The following STAG1 variants were observed in gnomAD, a reference collection of about 807,000 sequenced individuals.
STAG1 encodes cohesin subunit SA-1.
A neutral mutation model predicts 170.9 loss-of-function variants in STAG1; 26 were observed. The observed-to-expected ratio is 0.15, with a 90% CI of 0.11 to 0.21. STAG1 has a LOEUF of 0.21. Ranked by LOEUF, STAG1 falls within the 10% of genes least tolerant of loss-of-function variation. The probability of loss-of-function intolerance (pLI) is 1.00; values close to 1 mark genes in which losing one functional copy is unlikely to be tolerated. For synonymous variants in STAG1, 514 were observed against 497.7 expected (o/e 1.03, Z -0.44); for missense variants, 964 against 1,509.5 (o/e 0.64, Z 5.99).
At chr3:136,537,400 T>C (rs1418686955) in intron 6 of STAG1, among the ~76,000 whole-genome samples, 1 of 152,142 alleles carries the variant, frequency 6.6e-6, no homozygotes, top group African/African-American at 2.4e-5. Flanking sequence ...GAGCTGACAG[T>C]AGAAATGGCA....
At position 136,521,426 on chromosome 3, in the gene STAG1, C is replaced by T. The variant is rs113627848; in HGVS notation, c.472-9G>A. On this transcript the variant is annotated splice_polypyrimidine_tract_variant and intron_variant, in intron 6 of 33. Transcript: ENST00000383202. ...GGATAATCACCACTGTCCTAAAAAA[C>T]AGAAAAAGAACATATTAAGTATGTC... is the stretch of plus-strand genomic sequence containing the variant. 1.2e-4 allele frequency: 190 copies of T among 1,611,326 alleles called. No individual in the cohort carries two copies. Among genetic ancestry groups the T allele is most frequent in the Non-Finnish European group, 1.4e-4 (170 of 1,178,226 alleles).
intron 1 of STAG1, among the ~76,000 whole-genome samples, chr3:136,712,216 T>C (rs751854084): frequency 2.0e-5 from 3 of 152,050 alleles, no homozygotes; most frequent in Non-Finnish European, 4.4e-5. Context: ...CAGAATTTCA[T>C]CACATTAGCC....
intron 1 of STAG1, among the ~76,000 whole-genome samples, chr3:136,744,263 G>A (rs1418961999): frequency 6.6e-6 from 1 of 152,202 alleles, no homozygotes; most frequent in African/African-American, 2.4e-5. Flanking sequence ...GGAAGCAGAG[G>A]ATGCGGTAAG....
intron 23 of STAG1, among the ~76,000 whole-genome samples, chr3:136,377,270 C>T (rs111940832): frequency 6.7e-4 from 96 of 143,558 alleles, no homozygotes; most frequent in African/African-American, 2.3e-3. Flanking sequence ...GCCTGTAGTC[C>T]CAGCTACTCG....
At chr3:136,666,037 T>C (rs903885814) in intron 1 of STAG1, among the ~76,000 whole-genome samples, 24 of 122,368 alleles carry the variant, frequency 2.0e-4, no homozygotes, top group African/African-American at 7.0e-4. Flanking sequence ...ATTGCGCCAC[T>C]GCACTCCAGC....
At chr3:136,625,288 C>T (rs1175735945) in intron 2 of STAG1, among the ~76,000 whole-genome samples, 1 of 152,228 alleles carries the variant, frequency 6.6e-6, no homozygotes, top group African/African-American at 2.4e-5. Context: ...TAGGTCTGCT[C>T]TTCTCCATTT....
rs1326865252 is a variant in STAG1 at position 136,695,814 on chromosome 3, GA to G, written c.-84+56380del. Among the ~76,000 whole-genome samples the G allele has an allele frequency of 2.7e-5, 3 of 111,738 alleles. 1 individual carries two copies. The highest frequency in any genetic ancestry group is 7.8e-3 in the Middle Eastern group (1 of 128). The allele number at this position is 111,738 out of a possible 152,430, so 73.3% of individuals were successfully genotyped here. A position where few individuals can be genotyped will look rare whatever the true frequency, so the allele number is the denominator to read the frequency against. On this transcript the variant is annotated intron_variant, in intron 1 of 33. Coordinates refer to ENST00000383202, the MANE Select transcript of STAG1 (RefSeq NM_005862.3). Reference sequence around the variant, plus strand: ...TCCGAAAGAGACTTACCAAGTGGGGGAAAAAAAGCAACACACAGAAGCAGGA... The same window carrying G: ...TCCGAAAGAGACTTACCAAGTGGGGGAAAAAAGCAACACACAGAAGCAGGA...
At chr3:136,705,421 ACAC>A (rs1943202648) in intron 1 of STAG1, among the ~76,000 whole-genome samples, 3 of 138,142 alleles carry the variant, frequency 2.2e-5, no homozygotes, top group Non-Finnish European at 4.8e-5. Context: ...ACACACACAC[ACAC>A]AACGAAGTTC....
chr3:136,468,016 G>C (rs887474505), intron 12 of STAG1, among the ~76,000 whole-genome samples: 3 of 152,128 alleles, frequency 2.0e-5, no homozygotes, highest in African/African-American at 7.2e-5. Context: ...AGTGTGTAGA[G>C]GGAAATGTAT....
At chr3:136,575,271 C>T (rs1251351987) in intron 4 of STAG1, among the ~76,000 whole-genome samples, 2 of 152,160 alleles carry the variant, frequency 1.3e-5, no homozygotes, top group East Asian at 3.8e-4. Context: ...TTCACCCAGG[C>T]TAGGGTCCAG....
chr3:136,744,629 TAGC>T (rs991625599), intron 1 of STAG1, among the ~76,000 whole-genome samples: 5 of 151,980 alleles, frequency 3.3e-5, no homozygotes, highest in Non-Finnish European at 7.4e-5. Flanking sequence ...TTCCCAGTGT[TAGC>T]TGCTGTGAGT....
intron 5 of STAG1, among the ~76,000 whole-genome samples, chr3:136,544,661 A>G (rs1936073129): frequency 6.6e-6 from 1 of 151,822 alleles, no homozygotes; most frequent in South Asian, 2.1e-4. Context: ...GCTACTCAGG[A>G]GGCTGAGGCA....
intron 13 of STAG1, among the ~76,000 whole-genome samples, chr3:136,460,269 T>A (rs1268907054): frequency 6.6e-6 from 1 of 152,106 alleles, no homozygotes; most frequent in African/African-American, 2.4e-5. Flanking sequence ...AATGAATAAA[T>A]TCTTGGACAC....
intron 21 of STAG1, among the ~76,000 whole-genome samples, chr3:136,415,952 A>C (rs2087759030): frequency 6.6e-6 from 1 of 152,222 alleles, no homozygotes; most frequent in African/African-American, 2.4e-5. Context: ...CATGCACTCA[A>C]ACTTCATACA....
At chr3:136,485,306 A>T (rs1260045253) in intron 9 of STAG1, among the ~76,000 whole-genome samples, 1 of 151,992 alleles carries the variant, frequency 6.6e-6, no homozygotes, top group Non-Finnish European at 1.5e-5. Flanking sequence ...AAATACAAAA[A>T]ATTAGCTGGG....
intron 1 of STAG1, among the ~76,000 whole-genome samples, chr3:136,695,617 G>A (rs2107902207): frequency 6.8e-6 from 1 of 147,436 alleles, no homozygotes; most frequent in African/African-American, 2.5e-5. Context: ...AGTGCAAAAA[G>A]AGTAAAGTAC....
At chr3:136,475,836 C>G (rs979891262) in intron 10 of STAG1, among the ~76,000 whole-genome samples, 11 of 152,104 alleles carry the variant, frequency 7.2e-5, no homozygotes, top group African/African-American at 1.2e-4. Flanking sequence ...ATGACAGGGC[C>G]AGGGTGTTTC....
intron 9 of STAG1, among the ~76,000 whole-genome samples, chr3:136,493,822 C>G (rs1486694918): frequency 6.6e-6 from 1 of 152,022 alleles, no homozygotes; most frequent in Non-Finnish European, 1.5e-5. Context: ...ACACAAATCA[C>G]ACAAGAATAA....
chr3:136,589,831 T>C (rs182699731), intron 4 of STAG1, among the ~76,000 whole-genome samples: 1 of 151,010 alleles, frequency 6.6e-6, no homozygotes, highest in East Asian at 2.0e-4. Context: ...CTCGGGAGGC[T>C]GAGGCAGGAG....
Sources: allele counts gnomAD v4.1 joint callset (sites outside exome capture counted in the v4.1 genomes callset), GRCh38; gene constraint gnomAD v4.1.1; transcripts MANE v1.5; gene names NCBI Gene and HGNC (gene_info 2026-07-23, HGNC 2026-07-21).